Variants in COP1 observed in about 807,000 individuals in gnomAD.
The protein encoded by COP1 is COP1 E3 ubiquitin ligase.
Under a neutral mutation model 101.3 loss-of-function variants are expected in COP1, and 24 were observed. That is an observed-to-expected ratio of 0.24 (90% CI 0.17 to 0.33). The LOEUF is 0.33. COP1 is among the 10% of genes least tolerant of loss of function. The pLI is 1.00. For missense variants in COP1, 663 were observed against 906.2 expected (o/e 0.73, Z 3.45); for synonymous variants, 347 against 341.9 (o/e 1.01, Z -0.17).
chr1:176,206,126 C>T (rs1384932354), intron 1 of COP1, among the ~76,000 whole-genome samples: 1 of 152,184 alleles, frequency 6.6e-6, no homozygotes, highest in East Asian at 1.9e-4. Context: ...ACCAACTCCA[C>T]CCCTCTGCAT....
chr1:176,026,986 T>C (rs1223408016), intron 15 of COP1, among the ~76,000 whole-genome samples: 1 of 152,150 alleles, frequency 6.6e-6, no homozygotes, highest in Non-Finnish European at 1.5e-5. Context: ...GTACAAACGG[T>C]GTGAACTAGG....
At chr1:176,080,688 G>C (rs114055994) in intron 11 of COP1, among the ~76,000 whole-genome samples, 3,354 of 152,264 alleles carry the variant, frequency 0.022, 49 homozygotes, top group Non-Finnish European at 0.033. Context: ...TGTCTTAAAA[G>C]ACACAAACTA....
Position 176,169,983 on chromosome 1 carries a change from TAGG to T in COP1, c.565+5924_565+5926del, listed in dbSNP as rs1291737390. Among the ~76,000 whole-genome samples, 4 of 152,364 alleles carry T rather than the reference TAGG, an allele frequency of 2.6e-5. No individual in the cohort carries two copies. The East Asian group carries it at 7.7e-4, about 29-fold the overall frequency. On this transcript the variant is annotated intron_variant, in intron 3 of 19. Transcript: ENST00000367669. ...TCAACAATGTTCACAGCATCTTCAC[TAGG>T]AGTAGATTTCATCTCAAGAAACCAC...
chr1:176,034,416 A>G lies in COP1; in HGVS notation c.1613-6728T>C, dbSNP rs185010829. On this transcript the variant is annotated intron_variant, in intron 14 of 19. Coordinates refer to ENST00000367669, the MANE Select transcript of COP1 (RefSeq NM_022457.7). ...CAGAGTAAAACTCTGTGTATATAAA[A>G]AGGAGCATCTGTGATATAACGAATA... 5.3e-5 allele frequency among the ~76,000 whole-genome samples: 8 copies of G among 152,288 alleles called. No homozygotes were observed. The East Asian group carries it at 1.4e-3, about 26-fold the overall frequency.
chr1:175,957,126 TTTA>T (rs1650756169), intron 18 of COP1, among the ~76,000 whole-genome samples: 2 of 151,984 alleles, frequency 1.3e-5, no homozygotes, highest in African/African-American at 4.8e-5. Flanking sequence ...CTATAGTTAA[TTTA>T]TTATTGAAGA....
intron 18 of COP1, among the ~76,000 whole-genome samples, chr1:175,978,683 G>T (rs1397923173): frequency 6.6e-6 from 1 of 152,000 alleles, no homozygotes; most frequent in African/African-American, 2.4e-5. Flanking sequence ...ATTCAGATTG[G>T]CCCTCTTCCA....
intron 8 of COP1, chr1:176,133,764 G>A (rs908065535): frequency 2.4e-6 from 1 of 412,500 alleles, no homozygotes; most frequent in Admixed American, 2.9e-5. Flanking sequence ...CTGTTAAACA[G>A]AGAGGAAAAA....
At chr1:176,195,961 T>C (rs537328252) in intron 1 of COP1, among the ~76,000 whole-genome samples, 259 of 152,310 alleles carry the variant, frequency 1.7e-3, no homozygotes, top group South Asian at 8.3e-3. Flanking sequence ...ACAAGATCAC[T>C]AGCATCACGC....
chr1:176,134,879 C>A, intron 8 of COP1, 131 bp downstream of exon 8: 1 of 582,488 alleles, frequency 1.7e-6, no homozygotes, highest in Non-Finnish European at 3.1e-6. Context: ...ATATGAATAT[C>A]ATTTCTAGAT....
chr1:175,996,269 T>G (rs1164974622), intron 15 of COP1, among the ~76,000 whole-genome samples: 1 of 152,274 alleles, frequency 6.6e-6, no homozygotes, highest in Non-Finnish European at 1.5e-5. Context: ...GAGCTATCTA[T>G]GACCAACCCG....
intron 1 of COP1, among the ~76,000 whole-genome samples, chr1:176,201,643 A>AT (rs1422443658): frequency 6.6e-6 from 1 of 152,228 alleles, no homozygotes; most frequent in African/African-American, 2.4e-5. Context: ...TTCCAAGTTA[A>AT]TAGTCTTCCT....
chr1:176,021,222 G>A (rs945007265), intron 15 of COP1, among the ~76,000 whole-genome samples: 1 of 152,088 alleles, frequency 6.6e-6, no homozygotes, highest in African/African-American at 2.4e-5. Context: ...TATTTTTTAG[G>A]TAACATTTAG....
chr1:176,206,493 C>CA (rs1700865589), intron 1 of COP1, 79 bp downstream of exon 1: 6 of 1,550,754 alleles, frequency 3.9e-6, no homozygotes, highest in Non-Finnish European at 5.2e-6. Context: ...GCCACCCCCA[C>CA]ACCAGACCCC....
At position 175,947,245 on chromosome 1, in the gene COP1, A is replaced by G; in HGVS notation, c.2134-6T>C. On this transcript the variant is annotated splice_polypyrimidine_tract_variant and splice_region_variant and intron_variant, in intron 18 of 19. Transcript: ENST00000367669. Reference sequence around the variant, plus strand: ...GCAATCAGCACATTGGACTCCTAGAAAAGAACAAGAGCTTTTAAAGTATAG... The same window carrying G: ...GCAATCAGCACATTGGACTCCTAGAGAAGAACAAGAGCTTTTAAAGTATAG... The G allele has an allele frequency of 1.2e-6, 2 of 1,601,754 alleles. No individual in the cohort carries two copies. The highest frequency in any genetic ancestry group is 8.6e-7 in the Non-Finnish European group (1 of 1,168,782).
At chr1:176,104,306 A>G (rs1171566378) in intron 9 of COP1, among the ~76,000 whole-genome samples, 1 of 152,182 alleles carries the variant, frequency 6.6e-6, no homozygotes, top group Non-Finnish European at 1.5e-5. Context: ...TGATTCAAAG[A>G]TCTAGATGTA....
At chr1:176,088,903 G>A (rs1165290757) in intron 9 of COP1, among the ~76,000 whole-genome samples, 1 of 150,546 alleles carries the variant, frequency 6.6e-6, no homozygotes, top group Non-Finnish European at 1.5e-5. Flanking sequence ...GCTGAGGCAG[G>A]AGAATCACTT....
At chr1:176,188,122 C>T (rs1054845449) in intron 1 of COP1, among the ~76,000 whole-genome samples, 7 of 152,052 alleles carry the variant, frequency 4.6e-5, no homozygotes, top group African/African-American at 1.7e-4. Context: ...AATTTCCCAG[C>T]CTCCACAAAC....
intron 11 of COP1, among the ~76,000 whole-genome samples, chr1:176,047,840 C>T (rs775909217): frequency 2.0e-5 from 3 of 152,052 alleles, no homozygotes; most frequent in African/African-American, 4.8e-5. Flanking sequence ...TCTGAGAGAC[C>T]GAGGTGGGAG....
intron 1 of COP1, among the ~76,000 whole-genome samples, chr1:176,196,604 GA>G (rs1418708837): frequency 1.3e-5 from 2 of 152,176 alleles, no homozygotes; most frequent in Non-Finnish European, 2.9e-5. Flanking sequence ...CCCACAAAGG[GA>G]AGGAGTGAAA....
Sources: gnomAD v4.1 joint callset for allele counts (sites outside exome capture counted in the v4.1 genomes callset) on GRCh38, gnomAD v4.1.1 for gene constraint, MANE v1.5 for transcripts, NCBI Gene and HGNC (gene_info 2026-07-23, HGNC 2026-07-21) for gene names.